The following EGR3 variants were observed in gnomAD, a reference collection of about 807,000 sequenced individuals.
EGR3 encodes early growth response 3.
EGR3 carries 4 observed loss-of-function variants against 22.4 expected under a neutral mutation model. That is an observed-to-expected ratio of 0.18 (90% CI 0.09 to 0.41). EGR3 has a LOEUF of 0.41. Among genes scored for constraint, EGR3 ranks in the 10% least tolerant of loss-of-function variants. The pLI is 1.00. For missense variants in EGR3, 315 were observed against 541.3 expected, an observed-to-expected ratio of 0.58 and a Z score of 4.15; for synonymous variants, 219 against 226.8, an observed-to-expected ratio of 0.97 and a Z score of 0.31.
chr8:22,692,117 T>C lies in EGR3; in HGVS notation c.155-635A>G, dbSNP rs1585223315. On this transcript the variant is annotated intron_variant, in intron 1 of 1. Coordinates refer to ENST00000317216, the MANE Select transcript of EGR3 (RefSeq NM_004430.3). This position sits in a 1 kb window ranked among gnomAD's most constrained non-coding sequence, Gnocchi z 6.2. ...AAATCCTAGCCCCAGCTAGGGAGGG[T>C]GGAGAGCGGCGGAAAACCGGCCGGT... is the stretch of plus-strand genomic sequence containing the variant. 1.5e-6 allele frequency: 2 copies of C among 1,363,852 alleles called. No homozygotes were observed. Among genetic ancestry groups the C allele is most frequent in the Middle Eastern group, 2.7e-4 (1 of 3,666 alleles). 84.5% of individuals were successfully genotyped at this position (1,363,852 alleles called of 1,614,324 possible). A position where few individuals can be genotyped will look rare whatever the true frequency, so the allele number is the denominator to read the frequency against.
rs962197559 is a variant in EGR3 at position 22,692,673 on chromosome 8, C to T, written c.154+118G>A. ...TCCATCCATTTATCTATCCACCCAT[C>T]CACCCATCCATCCATCCATCCATCC... On this transcript the variant is annotated intron_variant, in intron 1 of 1. Coordinates refer to ENST00000317216, the MANE Select transcript of EGR3 (RefSeq NM_004430.3). The surrounding 1 kb of genome is among the most constrained non-coding windows in gnomAD (Gnocchi z 6.2). The T allele has an allele frequency of 6.9e-7, 1 of 1,447,330 alleles. No homozygotes were observed. The highest frequency in any genetic ancestry group is 9.2e-7 in the Non-Finnish European group (1 of 1,083,502). The allele number at this position is 1,447,330 out of a possible 1,614,324, so 89.7% of individuals were successfully genotyped here.
chr8:22,690,518 C>A lies in EGR3; in HGVS notation c.1119G>T (p.Ser373=), dbSNP rs150892020. The change falls in exon 2 of 2, where the codon TCG becomes TCT. Residue 373 remains serine, a synonymous_variant. Transcript: ENST00000317216. The part of the protein sequence containing the change: ...AEKGGAPSAS[S]APPVSLAPVV... ...CGGGGGCCAGCGACACGGGGGGCGCCGAGGATGCAGAGGGTGCACCGCCCT... is the reference window on the plus strand; with the variant it reads ...CGGGGGCCAGCGACACGGGGGGCGCAGAGGATGCAGAGGGTGCACCGCCCT... 4.3e-6 allele frequency: 7 copies of A among 1,610,560 alleles called. No homozygotes were observed. The South Asian group carries it at 6.6e-5, about 15-fold the overall frequency.
chr8:22,692,510 CGGCG>C lies in EGR3; in HGVS notation c.154+277_154+280del. ...CCGCTCGCACCTACCTCCCTCCGGT[CGGCG>C]GCTGCCCCCACCCGGGAGAACCGAA... On this transcript the variant is annotated intron_variant, in intron 1 of 1. Coordinates refer to ENST00000317216, the MANE Select transcript of EGR3 (RefSeq NM_004430.3). This position sits in a 1 kb window ranked among gnomAD's most constrained non-coding sequence, Gnocchi z 6.2. 1 of 1,400,570 alleles carries C rather than the reference CGGCG, an allele frequency of 7.1e-7. No individual in the cohort carries two copies. The highest frequency in any genetic ancestry group is 2.7e-5 in the East Asian group (1 of 37,482). 86.8% of individuals were successfully genotyped at this position (1,400,570 alleles called of 1,614,324 possible).
chr8:22,691,581 G>T, intron 1 of EGR3, 99 bp from the exon 2 acceptor site: 13 of 1,511,652 alleles, frequency 8.6e-6, no homozygotes, highest in Non-Finnish European at 1.2e-5. Context: ...GGTGCGGCCG[G>T]GTGGAGTGCG....
At chr8:22,691,875 C>T (rs1428060079) in intron 1 of EGR3, 2 of 985,280 alleles carry the variant, frequency 2.0e-6, no homozygotes, top group East Asian at 2.3e-4. Context: ...CACAACTCGG[C>T]CTCTTCCCTT....
Position 22,688,157 on chromosome 8 carries a change from A to T in EGR3, c.*2316T>A, listed in dbSNP as rs1803827042. 1 of 152,636 alleles carries T rather than the reference A, an allele frequency of 6.6e-6. No homozygotes were observed. Among genetic ancestry groups the T allele is most frequent in the Non-Finnish European group, 1.5e-5 (1 of 68,016 alleles). 9.5% of individuals were successfully genotyped at this position (152,636 alleles called of 1,614,324 possible). The stretch of plus-strand genomic sequence containing the variant: ...TTTTAAACATGCAGACATATAAAAA[A>T]TCTGGATAGCACAACCTTTTGGCAA... On this transcript the variant is annotated 3_prime_UTR_variant, in exon 2 of 2. Transcript: ENST00000317216.
intron 1 of EGR3, 102 bp from the exon 2 acceptor site, chr8:22,691,584 G>A (rs1021629155): frequency 2.0e-6 from 3 of 1,505,148 alleles, no homozygotes; most frequent in Non-Finnish European, 2.7e-6. Flanking sequence ...GCGGCCGGGT[G>A]GAGTGCGTAG....
chr8:22,691,942 G>A, intron 1 of EGR3: 1 of 1,235,644 alleles, frequency 8.1e-7, no homozygotes, highest in Non-Finnish European at 1.0e-6. Context: ...CCCCCCACGC[G>A]CGCTGCTCCC....
chr8:22,692,229 C>G lies in EGR3; in HGVS notation c.154+562G>C, dbSNP rs926344824. 1 of 1,452,760 alleles carries G rather than the reference C, an allele frequency of 6.9e-7. No individual in the cohort carries two copies. Among genetic ancestry groups the G allele is most frequent in the East Asian group, 2.8e-5 (1 of 35,474 alleles). 90.0% of individuals were successfully genotyped at this position (1,452,760 alleles called of 1,614,324 possible). On this transcript the variant is annotated intron_variant, in intron 1 of 1. Coordinates refer to ENST00000317216, the MANE Select transcript of EGR3 (RefSeq NM_004430.3). This position sits in a 1 kb window ranked among gnomAD's most constrained non-coding sequence, Gnocchi z 6.2. Reference sequence around the variant, plus strand: ...GCAGGCCCTCGCCCCGCGGGTGAACCCCCTCCTTCTCCCCGCCGTCCCCAC... The same window carrying G: ...GCAGGCCCTCGCCCCGCGGGTGAACGCCCTCCTTCTCCCCGCCGTCCCCAC...
Position 22,692,105 on chromosome 8 carries a change from A to T in EGR3, c.155-623T>A. The T allele has an allele frequency of 1.5e-6, 2 of 1,362,022 alleles. No individual in the cohort carries two copies. Among genetic ancestry groups the T allele is most frequent in the Non-Finnish European group, 1.9e-6 (2 of 1,061,766 alleles). The allele number at this position is 1,362,022 out of a possible 1,614,324, so 84.4% of individuals were successfully genotyped here. On this transcript the variant is annotated intron_variant, in intron 1 of 1. Transcript: ENST00000317216. This position sits in a 1 kb window ranked among gnomAD's most constrained non-coding sequence, Gnocchi z 6.2. Reference sequence around the variant, plus strand: ...TGCTGGAGGGGAAAATCCTAGCCCCAGCTAGGGAGGGTGGAGAGCGGCGGA... The same window carrying T: ...TGCTGGAGGGGAAAATCCTAGCCCCTGCTAGGGAGGGTGGAGAGCGGCGGA...
In EGR3 at chr8:22,690,996, C is replaced by A; in HGVS notation, c.641G>T (p.Gly214Val). The A allele has an allele frequency of 6.3e-7, 1 of 1,580,486 alleles. No homozygotes were observed. Among genetic ancestry groups the A allele is most frequent in the Non-Finnish European group, 8.6e-7 (1 of 1,160,622 alleles). ...CGGGTTGACCCGGATGGGGTCCATGCCCTGGAAGGGCTTGTGCTCCGGAAT... is the reference window on the plus strand; with the variant it reads ...CGGGTTGACCCGGATGGGGTCCATGACCTGGAAGGGCTTGTGCTCCGGAAT... Reference protein sequence around the residue: ...GSIPEHKPFQGMDPIRVNPPP... With the variant: ...GSIPEHKPFQVMDPIRVNPPP... The change falls in exon 2 of 2, where the codon GGC becomes GTC. Residue 214 changes from glycine to valine, a missense_variant. Around this residue, in one of 4 missense-constraint regions of EGR3, gnomAD observed 227 missense variants for 303.6 expected, o/e 0.75. Transcript: ENST00000317216.
rs1027873202 is a variant in EGR3 at position 22,690,292 on chromosome 8, T to C, written c.*181A>G. 9.8e-6 allele frequency: 6 copies of C among 614,018 alleles called. No individual in the cohort carries two copies. The highest frequency in any genetic ancestry group is 1.7e-5 in the Non-Finnish European group (6 of 354,378). The allele number at this position is 614,018 out of a possible 1,614,324, so 38.0% of individuals were successfully genotyped here. ...GGAAGGCGCCTCCAGCCCTGGCCCCTGACCGCTGGCCGGCGTGAAAGGTTG... is the reference window on the plus strand; with the variant it reads ...GGAAGGCGCCTCCAGCCCTGGCCCCCGACCGCTGGCCGGCGTGAAAGGTTG... On this transcript the variant is annotated 3_prime_UTR_variant, in exon 2 of 2. Coordinates refer to ENST00000317216, the MANE Select transcript of EGR3 (RefSeq NM_004430.3).
Position 22,690,836 on chromosome 8 carries a change from C to A in EGR3, c.801G>T (p.Lys267Asn). Reference sequence around the variant, plus strand: ...CGTGGGGCCGTTCGTGGAGCGGTGTCTTGCTAGGCCGGTTGGGGTACTTGC... The same window carrying A: ...CGTGGGGCCGTTCGTGGAGCGGTGTATTGCTAGGCCGGTTGGGGTACTTGC... ...RPRKYPNRPS[K>N]TPLHERPHAC... The change falls in exon 2 of 2, where the codon AAG becomes AAT. Residue 267 changes from lysine (K) to asparagine (N), a missense_variant. Around this residue, in one of 4 missense-constraint regions of EGR3, gnomAD observed 34 missense variants for 81.9 expected, o/e 0.42. Coordinates refer to ENST00000317216, the MANE Select transcript of EGR3 (RefSeq NM_004430.3). 1 of 1,607,290 alleles carries A rather than the reference C, an allele frequency of 6.2e-7. No homozygotes were observed. Among genetic ancestry groups the A allele is most frequent in the Non-Finnish European group, 8.5e-7 (1 of 1,174,878 alleles).
In EGR3 at chr8:22,693,254, G is replaced by T. The variant is rs866906671; in HGVS notation, c.-310C>A. On this transcript the variant is annotated 5_prime_UTR_variant, in exon 1 of 2. Coordinates refer to ENST00000317216, the MANE Select transcript of EGR3 (RefSeq NM_004430.3). ...CGGGGGGTGGGGTGGGGGCTGGGCT[G>T]GGGGGGGATCTCGGCTCAAGGGGGT... 8.7e-6 allele frequency: 1 copy of T among 114,910 alleles called. No homozygotes were observed. Among genetic ancestry groups the T allele is most frequent in the Non-Finnish European group, 1.7e-5 (1 of 59,558 alleles). 7.1% of individuals were successfully genotyped at this position (114,910 alleles called of 1,614,324 possible).
Position 22,690,802 on chromosome 8 carries a change from C to T in EGR3, c.835G>A (p.Ala279Thr). ...PLHERPHACP[A>T]EGCDRRFSRS... ...CTGAAACGGCGGTCGCAGCCCTCGG[C>T]CGGGCACGCGTGGGGCCGTTCGTGG... is the stretch of plus-strand genomic sequence containing the variant. The change falls in exon 2 of 2, where the codon GCC becomes ACC. Residue 279 changes from alanine to threonine, a missense_variant. Around this residue, in one of 4 missense-constraint regions of EGR3, gnomAD observed 34 missense variants for 81.9 expected, o/e 0.42. Transcript: ENST00000317216. 6.2e-7 allele frequency: 1 copy of T among 1,612,772 alleles called. No individual in the cohort carries two copies. The highest frequency in any genetic ancestry group is 8.5e-7 in the Non-Finnish European group (1 of 1,179,134).
In EGR3 at chr8:22,692,249, C is replaced by T; in HGVS notation, c.154+542G>A. On this transcript the variant is annotated intron_variant, in intron 1 of 1. Coordinates refer to ENST00000317216, the MANE Select transcript of EGR3 (RefSeq NM_004430.3). This position sits in a 1 kb window ranked among gnomAD's most constrained non-coding sequence, Gnocchi z 6.2. ...TGAACCCCCTCCTTCTCCCCGCCGT[C>T]CCCACACCCCCACGGCTTTGCTGAA... The T allele has an allele frequency of 6.7e-7, 1 of 1,486,768 alleles. No individual in the cohort carries two copies. Among genetic ancestry groups the T allele is most frequent in the Non-Finnish European group, 8.9e-7 (1 of 1,124,746 alleles). The allele number at this position is 1,486,768 out of a possible 1,614,324, so 92.1% of individuals were successfully genotyped here.
At position 22,690,728 on chromosome 8, in the gene EGR3, C is replaced by T. The variant is rs1803922471; in HGVS notation, c.909G>A (p.Lys303=). 8 of 1,614,068 alleles carry T rather than the reference C, an allele frequency of 5.0e-6. No homozygotes were observed. The highest frequency in any genetic ancestry group is 1.1e-5 in the South Asian group (1 of 91,080). The part of the protein sequence containing the change: ...TRHLRIHTGH[K]PFQCRICMRS... ...GCATGCAGATCCGGCACTGGAAGGG[C>T]TTGTGGCCCGTGTGGATGCGCAGGT... The change falls in exon 2 of 2, where the codon AAG becomes AAA. Residue 303 remains lysine (K), a synonymous_variant. Transcript: ENST00000317216.
chr8:22,690,188 A>T lies in EGR3; in HGVS notation c.*285T>A. The T allele has an allele frequency of 2.2e-6, 1 of 452,768 alleles. No homozygotes were observed. The highest frequency in any genetic ancestry group is 3.9e-6 in the Non-Finnish European group (1 of 255,014). 28.0% of individuals were successfully genotyped at this position (452,768 alleles called of 1,614,324 possible). The stretch of plus-strand genomic sequence containing the variant: ...GGCGCGGCCCGGCGGCCCCTGGATC[A>T]AGGCGATCCGAACTGAACAAAGCGG... On this transcript the variant is annotated 3_prime_UTR_variant, in exon 2 of 2. Transcript: ENST00000317216.
Position 22,693,055 on chromosome 8 carries a change from A to G in EGR3, c.-111T>C, listed in dbSNP as rs1804023608. ...AGAGGCGATCCGTGGTGCAGGGGAA[A>G]AGCATGCGAGAGGGAAAGTTCGGGG... On this transcript the variant is annotated 5_prime_UTR_variant, in exon 1 of 2. Coordinates refer to ENST00000317216, the MANE Select transcript of EGR3 (RefSeq NM_004430.3). 1 of 864,144 alleles carries G rather than the reference A, an allele frequency of 1.2e-6. No homozygotes were observed. Among genetic ancestry groups the G allele is most frequent in the Admixed American group, 2.7e-5 (1 of 36,648 alleles). The allele number at this position is 864,144 out of a possible 1,614,324, so 53.5% of individuals were successfully genotyped here. A position where few individuals can be genotyped will look rare whatever the true frequency, so the allele number is the denominator to read the frequency against.
Sources: gnomAD v4.1 joint callset for allele counts on GRCh38, gnomAD v4.1.1 for gene constraint, gnomAD v4.1.1 regional missense constraint, Gnocchi (gnomAD v3.1) non-coding constraint, MANE v1.5 for transcripts, NCBI Gene and HGNC (gene_info 2026-07-23, HGNC 2026-07-21) for gene names.